The following CACNA1C variants were observed in gnomAD, a reference collection of about 807,000 sequenced individuals.
The protein encoded by CACNA1C is voltage-dependent L-type calcium channel subunit alpha-1C.
In CACNA1C, 30 loss-of-function variants were observed where a neutral mutation model predicts 229.0. The ratio of observed to expected loss-of-function variants is 0.13; its 90% CI spans 0.10 to 0.18. CACNA1C has a LOEUF of 0.18. Ranked by LOEUF, CACNA1C falls within the 10% of genes least tolerant of loss-of-function variation. CACNA1C has a pLI of 1.00. For synonymous variants in CACNA1C, 1,114 were observed against 1,132.5 expected (o/e 0.98, Z 0.33); for missense variants, 1,658 against 2,845.0 (o/e 0.58, Z 9.49).
intron 5 of CACNA1C, among the ~76,000 whole-genome samples, chr12:2,478,152 T>C (rs1860094): frequency 0.65 from 99,524 of 151,962 alleles, 33,548 homozygotes; most frequent in East Asian, 0.88. Flanking sequence ...CTCACAGGTC[T>C]AGTCTTCTGG....
rs151291551 is a variant in CACNA1C at position 2,479,706 on chromosome 12, G to A, written c.758-6398G>A. 7.2e-5 allele frequency among the ~76,000 whole-genome samples: 11 copies of A among 152,308 alleles called. No individual in the cohort carries two copies. In the East Asian group the frequency reaches 9.7e-4, roughly 13 times the overall value. Reference sequence around the variant, plus strand: ...GCCCCAGTCTTGAAAGTGGGCTGTCGCCTTAATGCTGGCTTGAAGCACAGC... The same window carrying A: ...GCCCCAGTCTTGAAAGTGGGCTGTCACCTTAATGCTGGCTTGAAGCACAGC... On this transcript the variant is annotated intron_variant, in intron 5 of 46. Transcript: ENST00000399655. The surrounding 1 kb of genome is among the most constrained non-coding windows in gnomAD (Gnocchi z 4.3).
rs761100508 is a variant in CACNA1C, at chr12:2,597,322, C to G, written c.2853+33C>G. 1.3e-6 allele frequency: 2 copies of G among 1,553,558 alleles called. No homozygotes were observed. Among genetic ancestry groups the G allele is most frequent in the Admixed American group, 3.3e-5 (2 of 59,952 alleles). ...CCCCATCCCCTTCTGCTCCTCCTGTCCCCCTTGTGCCAGCACCAGGTCTCT... is the reference window on the plus strand; with the variant it reads ...CCCCATCCCCTTCTGCTCCTCCTGTGCCCCTTGTGCCAGCACCAGGTCTCT... On this transcript the variant is annotated intron_variant, in intron 21 of 46. Coordinates refer to ENST00000399655, the MANE Select transcript of CACNA1C (RefSeq NM_000719.7). The surrounding 1 kb of genome is among the most constrained non-coding windows in gnomAD (Gnocchi z 4.3).
Position 2,493,420 on chromosome 12 carries a change from G to GGAACA in CACNA1C, c.1113+36_1113+40dup. Reference sequence around the variant, plus strand: ...CATGAGTGGGCAGTCAGAGGGTGGGGGAACAGCGGCCGTGAACCCTTCCCT... The same window carrying GGAACA: ...CATGAGTGGGCAGTCAGAGGGTGGGGGAACAGAACAGCGGCCGTGAACCCTTCCCT... On this transcript the variant is annotated intron_variant, in intron 7 of 46. Coordinates refer to ENST00000399655, the MANE Select transcript of CACNA1C (RefSeq NM_000719.7). This position sits in a 1 kb window ranked among gnomAD's most constrained non-coding sequence, Gnocchi z 4.6. The GGAACA allele has an allele frequency of 6.4e-7, 1 of 1,558,346 alleles. No homozygotes were observed. The highest frequency in any genetic ancestry group is 8.8e-7 in the Non-Finnish European group (1 of 1,130,856).
rs370870544 is a variant in CACNA1C at position 2,586,118 on chromosome 12, A to G, written c.2530+214A>G. 2.6e-5 allele frequency among the ~76,000 whole-genome samples: 4 copies of G among 152,320 alleles called. No homozygotes were observed. The South Asian group carries it at 8.3e-4, about 32-fold the overall frequency. Reference sequence around the variant, plus strand: ...TTTCTGGTTTCCTCATAATGAGATCACATTTGAGCAGTGCTTTTGTGTCCT... The same window carrying G: ...TTTCTGGTTTCCTCATAATGAGATCGCATTTGAGCAGTGCTTTTGTGTCCT... On this transcript the variant is annotated intron_variant, in intron 18 of 46. Transcript: ENST00000399655.
chr12:2,662,174 G>A (rs745605927), intron 34 of CACNA1C, among the ~76,000 whole-genome samples: 3 of 151,940 alleles, frequency 2.0e-5, no homozygotes, highest in African/African-American at 4.8e-5. Flanking sequence ...CCCAGGAGAT[G>A]GAGGTTGCAG....
Position 2,677,590 on chromosome 12 carries a change from C to T in CACNA1C, c.4957-143C>T. ...GGCAGCCCAGCCCCCAGTTCACACACACACAAACCTTCCGGAGGGTCGACT... is the reference window on the plus strand; with the variant it reads ...GGCAGCCCAGCCCCCAGTTCACACATACACAAACCTTCCGGAGGGTCGACT... On this transcript the variant is annotated intron_variant, in intron 40 of 46. Coordinates refer to ENST00000399655, the MANE Select transcript of CACNA1C (RefSeq NM_000719.7). The surrounding 1 kb of genome is among the most constrained non-coding windows in gnomAD (Gnocchi z 7.4). 2 of 936,326 alleles carry T rather than the reference C, an allele frequency of 2.1e-6. No individual in the cohort carries two copies. Among genetic ancestry groups the T allele is most frequent in the Non-Finnish European group, 3.3e-6 (2 of 611,916 alleles). 58.0% of individuals were successfully genotyped at this position (936,326 alleles called of 1,614,324 possible).
intron 1 of CACNA1C, among the ~76,000 whole-genome samples, chr12:2,084,088 G>A (rs2066667870): frequency 6.6e-6 from 1 of 152,182 alleles, no homozygotes. Context: ...TCTTTTGTGT[G>A]ATGATGGTGA....
intron 3 of CACNA1C, among the ~76,000 whole-genome samples, chr12:2,249,565 G>A (rs933048933): frequency 6.6e-6 from 1 of 152,180 alleles, no homozygotes; most frequent in South Asian, 2.1e-4. Context: ...TGTTATTCCT[G>A]CTGGTACTCC....
At chr12:2,476,311 A>G (rs572165615) in intron 5 of CACNA1C, among the ~76,000 whole-genome samples, 4 of 152,342 alleles carry the variant, frequency 2.6e-5, no homozygotes, top group African/African-American at 9.6e-5. Context: ...TTGCCTGGAT[A>G]ATGGCTAAGG....
intron 3 of CACNA1C, among the ~76,000 whole-genome samples, chr12:2,387,272 G>A (rs1024970340): frequency 3.3e-5 from 5 of 152,138 alleles, no homozygotes; most frequent in African/African-American, 7.2e-5. Context: ...ATCATTTGAG[G>A]TCAGGAGTTC....
At chr12:2,478,343 C>G (rs2099641750) in intron 5 of CACNA1C, among the ~76,000 whole-genome samples, 1 of 152,188 alleles carries the variant, frequency 6.6e-6, no homozygotes, top group East Asian at 1.9e-4. Context: ...GTTGCTGCAG[C>G]CTCCCAGGAT....
chr12:2,635,792 G>T (rs1417808535), intron 30 of CACNA1C, among the ~76,000 whole-genome samples: 2 of 152,024 alleles, frequency 1.3e-5, no homozygotes, highest in Non-Finnish European at 2.9e-5. Flanking sequence ...TCTTTGTCCG[G>T]TGTGTGTGTA....
At chr12:2,198,746 CCACTA>C in intron 3 of CACNA1C, among the ~76,000 whole-genome samples, 2 of 152,144 alleles carry the variant, frequency 1.3e-5, no homozygotes, top group South Asian at 4.2e-4. Flanking sequence ...AGGAAACTGC[CCACTA>C]CGTGCTGTCA....
chr12:2,527,373 C>T (rs1051195130), intron 9 of CACNA1C, among the ~76,000 whole-genome samples: 12 of 152,158 alleles, frequency 7.9e-5, no homozygotes, highest in African/African-American at 2.4e-4. Context: ...CAACAACTTA[C>T]TGATGAAGTT....
intron 3 of CACNA1C, among the ~76,000 whole-genome samples, chr12:2,366,746 T>C (rs910405307): frequency 8.5e-5 from 13 of 152,088 alleles, no homozygotes; most frequent in South Asian, 2.1e-4. Context: ...ACTTAGTAAT[T>C]TATGAAGAAA....
chr12:2,510,887 G>C (rs2099782218), intron 8 of CACNA1C, among the ~76,000 whole-genome samples: 1 of 152,210 alleles, frequency 6.6e-6, no homozygotes, highest in Non-Finnish European at 1.5e-5. Context: ...ACTGTCTCCA[G>C]GAGCAAGACT....
intron 44 of CACNA1C, 47 bp downstream of exon 44, chr12:2,685,889 A>G (rs2097435234): frequency 1.5e-6 from 2 of 1,352,786 alleles, no homozygotes; most frequent in South Asian, 2.4e-5. Context: ...GTTACTCCCT[A>G]GAGAACACTG....
intron 1 of CACNA1C, among the ~76,000 whole-genome samples, chr12:1,996,763 G>A (rs1166236672): frequency 4.0e-5 from 6 of 151,012 alleles, no homozygotes; most frequent in East Asian, 3.9e-4. Flanking sequence ...ACAAGCTTGC[G>A]ATAAAGCCTT....
chr12:2,032,880 G>A (rs1404235793), intron 1 of CACNA1C, among the ~76,000 whole-genome samples: 2 of 152,214 alleles, frequency 1.3e-5, no homozygotes, highest in Admixed American at 6.5e-5. Context: ...ACGCTGAAGC[G>A]CTGGTCCTGG....
Sources: allele counts gnomAD v4.1 joint callset (sites outside exome capture counted in the v4.1 genomes callset), GRCh38; gene constraint gnomAD v4.1.1; non-coding constraint Gnocchi (gnomAD v3.1); transcripts MANE v1.5; gene names NCBI Gene and HGNC (gene_info 2026-07-23, HGNC 2026-07-21).